The following ACTR3C variants were observed in gnomAD, a reference collection of about 807,000 sequenced individuals.
ACTR3C encodes the protein actin related protein 3C, also known as actin-related protein 3C.
A neutral mutation model predicts 26.3 loss-of-function variants in ACTR3C; 18 were observed. The ratio of observed to expected loss-of-function variants is 0.68; its 90% confidence interval spans 0.47 to 1.01. The LOEUF (loss-of-function observed/expected upper bound fraction) is 1.01. Ranked by LOEUF, ACTR3C falls within the 50% of genes least tolerant of loss-of-function variation. The pLI, the probability that ACTR3C is intolerant of heterozygous loss-of-function variation, is 0.00. For missense variants in ACTR3C, 184 were observed against 250.7 expected (o/e 0.73, Z 1.80); for synonymous variants, 55 against 94.5 (o/e 0.58, Z 2.42).
chr7:150,045,849 TCTCA>T, the ACTR3C span, among the ~76,000 whole-genome samples: 1 of 152,264 alleles, frequency 6.6e-6, no homozygotes, highest in East Asian at 1.9e-4. Context: ...TGCACATTGT[TCTCA>T]CTCCAAACAT....
the ACTR3C span, among the ~76,000 whole-genome samples, chr7:150,222,697 C>T: frequency 6.6e-6 from 1 of 152,182 alleles, no homozygotes; most frequent in African/African-American, 2.4e-5. Context: ...CTTGATGACT[C>T]ACCCTCGCGT....
the ACTR3C span, among the ~76,000 whole-genome samples, chr7:149,932,571 G>C: frequency 2.0e-5 from 3 of 152,198 alleles, no homozygotes; most frequent in African/African-American, 7.2e-5. Flanking sequence ...GTTTTAAACA[G>C]GATGGTGGAG....
the ACTR3C span, among the ~76,000 whole-genome samples, chr7:150,220,531 G>C: frequency 6.6e-6 from 1 of 151,084 alleles, no homozygotes; most frequent in South Asian, 2.1e-4. Context: ...TGGGACCCCG[G>C]AGGGAAGCCG....
intron 1 of ACTR3C, among the ~76,000 whole-genome samples, chr7:150,306,695 C>T (rs1795831493): frequency 6.6e-6 from 1 of 152,192 alleles, no homozygotes; most frequent in Non-Finnish European, 1.5e-5. Flanking sequence ...AACAATTTAG[C>T]AATACCTCGC....
At chr7:150,050,573 A>T in the ACTR3C span, among the ~76,000 whole-genome samples, 2 of 152,214 alleles carry the variant, frequency 1.3e-5, no homozygotes, top group Non-Finnish European at 2.9e-5. Context: ...GCTGGGAAGC[A>T]AATCTCACAA....
the ACTR3C span, among the ~76,000 whole-genome samples, chr7:149,927,979 A>T: frequency 6.6e-6 from 1 of 152,128 alleles, no homozygotes; most frequent in African/African-American, 2.4e-5. Flanking sequence ...CTAGGTTGGT[A>T]ATTTTACAAA....
chr7:149,887,999 T>A, the ACTR3C span, among the ~76,000 whole-genome samples: 1 of 151,476 alleles, frequency 6.6e-6, no homozygotes, highest in Admixed American at 6.5e-5. Context: ...ATTAAATCTT[T>A]TTTTTTCCCC....
chr7:150,285,153 T>C (rs1319239852), intron 5 of ACTR3C, among the ~76,000 whole-genome samples: 2 of 152,184 alleles, frequency 1.3e-5, no homozygotes, highest in African/African-American at 4.8e-5. Flanking sequence ...GTGGAGAGTA[T>C]GTGCACGATC....
the ACTR3C span, among the ~76,000 whole-genome samples, chr7:150,191,928 A>C: frequency 1.3e-5 from 2 of 152,206 alleles, no homozygotes; most frequent in African/African-American, 2.4e-5. Flanking sequence ...AGAATTGTCT[A>C]TCACGAGTGG....
the ACTR3C span, among the ~76,000 whole-genome samples, chr7:150,132,147 G>A: frequency 6.6e-6 from 1 of 152,198 alleles, no homozygotes; most frequent in Admixed American, 6.5e-5. Flanking sequence ...GGCAGAGTAT[G>A]ATGGAGTGGT....
chr7:149,985,207 A>AACACACAC, the ACTR3C span, among the ~76,000 whole-genome samples: 4,922 of 130,748 alleles, frequency 0.038, 159 homozygotes, highest in East Asian at 0.063. Flanking sequence ...CAAACAAAGC[A>AACACACAC]ACACACACAC....
chr7:149,933,929 A>T, the ACTR3C span, among the ~76,000 whole-genome samples: 1 of 152,000 alleles, frequency 6.6e-6, no homozygotes, highest in Non-Finnish European at 1.5e-5. Flanking sequence ...AGTTCGACTC[A>T]ATGCTAGCAA....
At chr7:150,015,137 A>G in the ACTR3C span, among the ~76,000 whole-genome samples, 1 of 152,196 alleles carries the variant, frequency 6.6e-6, no homozygotes, top group Non-Finnish European at 1.5e-5. Flanking sequence ...TTATTCAGCC[A>G]TGGTTGAGGG....
the ACTR3C span, among the ~76,000 whole-genome samples, chr7:150,008,914 C>T: frequency 1.3e-5 from 2 of 151,902 alleles, no homozygotes; most frequent in African/African-American, 4.8e-5. Context: ...AGCCAATAAC[C>T]CTTGAAGATG....
At chr7:150,300,168 T>C (rs34173911) in intron 1 of ACTR3C, among the ~76,000 whole-genome samples, 89 of 152,086 alleles carry the variant, frequency 5.9e-4, no homozygotes, top group Non-Finnish European at 8.5e-4. Flanking sequence ...CTGACCAACA[T>C]AGTGAAACCC....
the ACTR3C span, among the ~76,000 whole-genome samples, chr7:150,052,370 TACAC>T: frequency 5.9e-5 from 9 of 152,028 alleles, no homozygotes; most frequent in Non-Finnish European, 1.3e-4. Context: ...CACACACACA[TACAC>T]ACACACACAA....
the ACTR3C span, among the ~76,000 whole-genome samples, chr7:150,080,410 A>G: frequency 1.3e-5 from 2 of 151,348 alleles, no homozygotes; most frequent in East Asian, 1.9e-4. Context: ...TCACGCTTTT[A>G]TCTAGAGGAA....
At chr7:150,166,093 A>G in the ACTR3C span, among the ~76,000 whole-genome samples, 1 of 151,696 alleles carries the variant, frequency 6.6e-6, no homozygotes, top group African/African-American at 2.4e-5. Flanking sequence ...AGATAAGCGC[A>G]CACAGGGCTT....
the ACTR3C span, among the ~76,000 whole-genome samples, chr7:150,211,162 G>T: frequency 1.3e-5 from 2 of 148,652 alleles, no homozygotes; most frequent in Non-Finnish European, 2.9e-5. Flanking sequence ...TTACACTGAA[G>T]TCTAAAGGAC....
Sources: gnomAD v4.1 joint callset for allele counts (sites outside exome capture counted in the v4.1 genomes callset) on GRCh38, gnomAD v4.1.1 for gene constraint, MANE v1.5 for transcripts, NCBI Gene and HGNC (gene_info 2026-07-23, HGNC 2026-07-21) for gene names.